MVB12B: variants seen among roughly 807,000 people sequenced by gnomAD.
The protein encoded by MVB12B is ESCRT-I complex subunit MVB12B.
A neutral mutation model predicts 41.6 loss-of-function variants in MVB12B; 16 were observed. The observed-to-expected ratio is 0.38, with a 90% CI of 0.26 to 0.58. The LOEUF (loss-of-function observed/expected upper bound fraction) is 0.58. Ranked by LOEUF, MVB12B falls within the 20% of genes least tolerant of loss-of-function variation. MVB12B has a pLI of 0.62. For missense variants in MVB12B, 274 were observed against 380.2 expected, an observed-to-expected ratio of 0.72 and a Z score of 2.32; for synonymous variants, 133 against 139.7, an observed-to-expected ratio of 0.95 and a Z score of 0.34.
intron 3 of MVB12B, among the ~76,000 whole-genome samples, chr9:126,381,980 A>G (rs777930497): frequency 1.3e-5 from 2 of 151,898 alleles, no homozygotes; most frequent in Admixed American, 6.6e-5. Context: ...TTTCATTTTC[A>G]GGGCTAACAT....
chr9:126,477,875 G>A (rs1396581146), intron 7 of MVB12B, among the ~76,000 whole-genome samples: 1 of 152,232 alleles, frequency 6.6e-6, no homozygotes, highest in Non-Finnish European at 1.5e-5. Context: ...TGACTAGCAA[G>A]GCAAGAGCGC....
intron 4 of MVB12B, among the ~76,000 whole-genome samples, chr9:126,390,568 G>T (rs965339262): frequency 3.3e-5 from 5 of 152,198 alleles, no homozygotes; most frequent in African/African-American, 1.2e-4. Context: ...AAAGAATCAC[G>T]TGCTTATCCT....
At chr9:126,378,270 A>G (rs1462676958) in intron 2 of MVB12B, among the ~76,000 whole-genome samples, 1 of 152,198 alleles carries the variant, frequency 6.6e-6, no homozygotes, top group African/African-American at 2.4e-5. Flanking sequence ...TGACACTGTG[A>G]CTTCAGCCGC....
At chr9:126,484,447 G>A (rs1833591370) in intron 9 of MVB12B, among the ~76,000 whole-genome samples, 1 of 151,736 alleles carries the variant, frequency 6.6e-6, no homozygotes, top group Admixed American at 6.6e-5. Context: ...CCACAATTTA[G>A]GGGCAGGTCA....
intron 2 of MVB12B, among the ~76,000 whole-genome samples, chr9:126,369,038 A>G (rs536717889): frequency 5.3e-5 from 8 of 152,336 alleles, no homozygotes; most frequent in African/African-American, 1.7e-4. Flanking sequence ...AGTGAGGGCC[A>G]CAGGAGCCTT....
At chr9:126,375,831 A>G (rs989059218) in intron 2 of MVB12B, among the ~76,000 whole-genome samples, 2 of 152,190 alleles carry the variant, frequency 1.3e-5, no homozygotes, top group Non-Finnish European at 1.5e-5. Context: ...TTAGTTTCTA[A>G]TGTTGCAGTT....
At chr9:126,328,425 G>A (rs1829041161) in intron 1 of MVB12B, among the ~76,000 whole-genome samples, 1 of 152,150 alleles carries the variant, frequency 6.6e-6, no homozygotes, top group East Asian at 1.9e-4. Context: ...TCTCCATCCT[G>A]CTAGGGACCT....
At chr9:126,428,999 G>T (rs1832258587) in intron 7 of MVB12B, among the ~76,000 whole-genome samples, 1 of 152,196 alleles carries the variant, frequency 6.6e-6, no homozygotes, top group Non-Finnish European at 1.5e-5. Flanking sequence ...TCAAGCGGTG[G>T]TGGGTGAGCG....
chr9:126,354,663 G>A (rs1254791078), intron 2 of MVB12B, among the ~76,000 whole-genome samples: 1 of 152,130 alleles, frequency 6.6e-6, no homozygotes, highest in African/African-American at 2.4e-5. Context: ...ACATGGATAT[G>A]AAAACACATA....
intron 1 of MVB12B, among the ~76,000 whole-genome samples, chr9:126,336,760 A>G (rs932523909): frequency 1.5e-4 from 23 of 151,728 alleles, no homozygotes; most frequent in African/African-American, 2.2e-4. Flanking sequence ...GCACGCACAC[A>G]CACACACACA....
At chr9:126,496,173 C>A (rs370929964) in intron 9 of MVB12B, among the ~76,000 whole-genome samples, 4 of 151,472 alleles carry the variant, frequency 2.6e-5, no homozygotes, top group African/African-American at 9.7e-5. Context: ...TCTTCACTCA[C>A]CATCGACTTG....
chr9:126,476,077 CG>C (rs1833413592), intron 7 of MVB12B, among the ~76,000 whole-genome samples: 5 of 152,140 alleles, frequency 3.3e-5, no homozygotes, highest in South Asian at 2.1e-4. Flanking sequence ...AGGGGTGGAG[CG>C]AGGCCGTCAA....
intron 7 of MVB12B, among the ~76,000 whole-genome samples, chr9:126,465,599 G>C (rs962915286): frequency 2.0e-5 from 3 of 148,462 alleles, no homozygotes; most frequent in Non-Finnish European, 4.4e-5. Flanking sequence ...GTTAGATACT[G>C]TTCTAGGAGC....
chr9:126,488,842 C>T (rs568468191), intron 9 of MVB12B, among the ~76,000 whole-genome samples: 7 of 152,338 alleles, frequency 4.6e-5, no homozygotes, highest in African/African-American at 1.7e-4. Context: ...TGAATCGAAG[C>T]CGAAGCACAG....
At chr9:126,451,559 G>A (rs1832888545) in intron 7 of MVB12B, among the ~76,000 whole-genome samples, 1 of 152,112 alleles carries the variant, frequency 6.6e-6, no homozygotes, top group African/African-American at 2.4e-5. Flanking sequence ...AATGGTCAAG[G>A]CTGCATCTCC....
chr9:126,384,281 C>A (rs1394504410), intron 3 of MVB12B, among the ~76,000 whole-genome samples: 5 of 152,018 alleles, frequency 3.3e-5, no homozygotes. Flanking sequence ...CCTGGAATGT[C>A]AGAATATCAA....
chr9:126,477,601 C>T lies in MVB12B; in HGVS notation c.758-3768C>T, dbSNP rs1307338513. On this transcript the variant is annotated intron_variant, in intron 7 of 9. Coordinates refer to ENST00000361171, the MANE Select transcript of MVB12B (RefSeq NM_033446.3). ...GAGAGCATGTGCAGGGGAAACTCCC[C>T]TTTATAAAACCATCAGATCTCATGA... Among the ~76,000 whole-genome samples the T allele has an allele frequency of 2.6e-5, 4 of 152,100 alleles. No individual in the cohort carries two copies. The East Asian group carries it at 7.7e-4, about 29-fold the overall frequency.
At chr9:126,437,798 T>G (rs900970897) in intron 7 of MVB12B, among the ~76,000 whole-genome samples, 6 of 152,258 alleles carry the variant, frequency 3.9e-5, no homozygotes, top group Admixed American at 6.5e-5. Flanking sequence ...ATCAGTTAAT[T>G]GTTCCAGATG....
At chr9:126,334,366 T>C (rs192731914) in intron 1 of MVB12B, among the ~76,000 whole-genome samples, 1 of 152,262 alleles carries the variant, frequency 6.6e-6, no homozygotes, top group Non-Finnish European at 1.5e-5. Context: ...CATTAGCATA[T>C]GGGTAGAATG....
Sources: allele counts gnomAD v4.1 joint callset (sites outside exome capture counted in the v4.1 genomes callset), GRCh38; gene constraint gnomAD v4.1.1; transcripts MANE v1.5; gene names NCBI Gene and HGNC (gene_info 2026-07-23, HGNC 2026-07-21).